Variants in PREP observed in about 807,000 individuals in gnomAD.
PREP encodes the protein prolyl endopeptidase.
In PREP, 29 loss-of-function variants were observed where a neutral mutation model predicts 87.6. That is an observed-to-expected ratio of 0.33 (90% CI 0.25 to 0.45). The LOEUF (loss-of-function observed/expected upper bound fraction) is 0.45, where lower values mean the gene tolerates loss of function less well. Among genes scored for constraint, PREP ranks in the 20% least tolerant of loss-of-function variants. The probability of loss-of-function intolerance (pLI) is 1.00; values close to 1 mark genes in which losing one functional copy is unlikely to be tolerated. For missense variants in PREP, 695 were observed against 886.5 expected (o/e 0.78, Z 2.74); for synonymous variants, 337 against 328.6 (o/e 1.03, Z -0.28).
intron 7 of PREP, 75 bp from the exon 8 acceptor site, chr6:105,333,580 G>A (rs983968160): frequency 7.0e-7 from 1 of 1,432,482 alleles, no homozygotes; most frequent in Non-Finnish European, 9.8e-7. Context: ...AGGGAGGGGA[G>A]GGTGGATCTT....
intron 7 of PREP, among the ~76,000 whole-genome samples, chr6:105,334,609 C>G (rs180749913): frequency 3.9e-4 from 60 of 151,960 alleles, no homozygotes; most frequent in Non-Finnish European, 6.9e-4. Flanking sequence ...ATCCCAGCTA[C>G]TTGGTAGGCT....
rs765726788 is a variant in PREP, at chr6:105,373,354, G to A, written c.595+15C>T. On this transcript the variant is annotated intron_variant, in intron 5 of 14. Transcript: ENST00000652536. ...ATTTTGTGAAAAATGTGCTTCATCT[G>A]AAGTCTTCACTCACCATCACTTTTT... is the stretch of plus-strand genomic sequence containing the variant. The A allele has an allele frequency of 6.2e-7, 1 of 1,611,922 alleles. No homozygotes were observed. Among genetic ancestry groups the A allele is most frequent in the African/African-American group, 1.3e-5 (1 of 74,962 alleles).
intron 9 of PREP, among the ~76,000 whole-genome samples, chr6:105,327,300 G>T (rs182668486): frequency 6.6e-6 from 1 of 152,090 alleles, no homozygotes; most frequent in African/African-American, 2.4e-5. Flanking sequence ...GTTCTAGGGG[G>T]AAGAGGGAAT....
At chr6:105,283,954 A>G (rs1770133200) in intron 12 of PREP, among the ~76,000 whole-genome samples, 1 of 152,166 alleles carries the variant, frequency 6.6e-6, no homozygotes, top group Admixed American at 6.5e-5. Flanking sequence ...TTATTTCAGG[A>G]GAGGATCCCA....
chr6:105,281,488 GTGTT>G (rs937349435), intron 14 of PREP: 5 of 371,378 alleles, frequency 1.3e-5, no homozygotes, highest in Non-Finnish European at 2.5e-5. Context: ...ATCTAGGTAA[GTGTT>G]TGAATAACCA....
intron 8 of PREP, among the ~76,000 whole-genome samples, chr6:105,331,300 C>T (rs1257583545): frequency 2.6e-5 from 4 of 152,134 alleles, no homozygotes; most frequent in Non-Finnish European, 5.9e-5. Flanking sequence ...GAAGGTTATA[C>T]AAATATATCA....
intron 5 of PREP, among the ~76,000 whole-genome samples, chr6:105,369,891 A>T (rs1772489693): frequency 6.6e-6 from 1 of 152,238 alleles, no homozygotes; most frequent in South Asian, 2.1e-4. Flanking sequence ...CCAAAGATAC[A>T]CAGATGGCAA....
intron 6 of PREP, among the ~76,000 whole-genome samples, chr6:105,358,587 T>TA (rs1371206852): frequency 1.2e-4 from 18 of 151,976 alleles, no homozygotes; most frequent in Non-Finnish European, 2.5e-4. Context: ...GGGAGGTTAT[T>TA]AAAAAAACAG....
At chr6:105,377,355 TAAA>T (rs749131265) in intron 3 of PREP, 28 bp downstream of exon 3, 4 of 1,572,022 alleles carry the variant, frequency 2.5e-6, no homozygotes, top group Non-Finnish European at 3.4e-6. Context: ...ACTTTGAAAA[TAAA>T]AAGGAAATTC....
intron 10 of PREP, among the ~76,000 whole-genome samples, chr6:105,310,703 G>A (rs1473244136): frequency 6.6e-6 from 1 of 152,152 alleles, no homozygotes; most frequent in Non-Finnish European, 1.5e-5. Flanking sequence ...ATAGTCCTGA[G>A]CCTTCTCCAC....
intron 10 of PREP, among the ~76,000 whole-genome samples, chr6:105,292,676 C>T (rs1402094580): frequency 6.6e-6 from 1 of 152,082 alleles, no homozygotes; most frequent in Non-Finnish European, 1.5e-5. Context: ...ACTGACTTCT[C>T]TCTAGCTATG....
intron 6 of PREP, among the ~76,000 whole-genome samples, chr6:105,368,086 A>T (rs1230981617): frequency 6.6e-6 from 1 of 152,266 alleles, no homozygotes. Flanking sequence ...AACGTAAGTT[A>T]AAATTGAAAA....
At chr6:105,311,434 C>T (rs72946056) in intron 10 of PREP, among the ~76,000 whole-genome samples, 21,019 of 152,082 alleles carry the variant, frequency 0.14, 2,554 homozygotes, top group African/African-American at 0.33. Context: ...CGTTCTGGGC[C>T]GCCTGTCCCC....
At chr6:105,279,986 T>A (rs1770043648) in intron 14 of PREP, among the ~76,000 whole-genome samples, 1 of 152,234 alleles carries the variant, frequency 6.6e-6, no homozygotes, top group Non-Finnish European at 1.5e-5. Context: ...GGCCTGCATG[T>A]ACTGAAAAGT....
intron 7 of PREP, among the ~76,000 whole-genome samples, chr6:105,342,671 C>T (rs975895177): frequency 3.3e-5 from 5 of 152,192 alleles, no homozygotes; most frequent in African/African-American, 9.7e-5. Flanking sequence ...AGCTGATAAG[C>T]AACTTCAGCA....
intron 9 of PREP, among the ~76,000 whole-genome samples, 183 bp from the exon 10 acceptor site, chr6:105,323,951 G>A (rs1771083316): frequency 6.6e-6 from 1 of 152,244 alleles, no homozygotes; most frequent in South Asian, 2.1e-4. Flanking sequence ...AGTCTGGCAT[G>A]AGGGGTGCTA....
chr6:105,297,972 G>A (rs1390325082), intron 10 of PREP, among the ~76,000 whole-genome samples: 1 of 152,230 alleles, frequency 6.6e-6, no homozygotes, highest in Non-Finnish European at 1.5e-5. Flanking sequence ...GGACACAGAA[G>A]ATAAAACCAA....
intron 14 of PREP, chr6:105,279,187 T>C (rs1770016872): frequency 6.6e-6 from 1 of 152,132 alleles, no homozygotes; most frequent in Non-Finnish European, 1.5e-5. Flanking sequence ...CTAATAGGGG[T>C]GTCATGTTTT....
At chr6:105,292,036 T>C (rs190530219) in intron 10 of PREP, among the ~76,000 whole-genome samples, 1 of 152,326 alleles carries the variant, frequency 6.6e-6, no homozygotes, top group Non-Finnish European at 1.5e-5. Flanking sequence ...TCTCTTGCTA[T>C]TTCCCCAACA....
Sources: gnomAD v4.1 joint callset for allele counts (sites outside exome capture counted in the v4.1 genomes callset) on GRCh38, gnomAD v4.1.1 for gene constraint, MANE v1.5 for transcripts, NCBI Gene and HGNC (gene_info 2026-07-23, HGNC 2026-07-21) for gene names.